PPM1L: variants seen among roughly 807,000 people sequenced by gnomAD.
The protein encoded by PPM1L is protein phosphatase, Mg2+/Mn2+ dependent 1L.
PPM1L carries 13 observed loss-of-function variants against 31.4 expected under a neutral mutation model. The observed-to-expected ratio is 0.41, with a 90% CI of 0.27 to 0.66. PPM1L has a LOEUF of 0.66. PPM1L is among the 30% of genes least tolerant of loss of function. The pLI is 0.29. For synonymous variants in PPM1L, 184 were observed against 175.4 expected, an observed-to-expected ratio of 1.05 and a Z score of -0.39; for missense variants, 326 against 453.7, an observed-to-expected ratio of 0.72 and a Z score of 2.56.
chr3:160,970,790 T>TTTTTC (rs1716308370), intron 2 of PPM1L, among the ~76,000 whole-genome samples: 1 of 73,322 alleles, frequency 1.4e-5, no homozygotes, highest in Non-Finnish European at 3.0e-5. Flanking sequence ...AGTTATAATT[T>TTTTTC]TTTTTTTTTT....
intron 1 of PPM1L, among the ~76,000 whole-genome samples, chr3:160,774,451 A>C (rs113474730): frequency 0.017 from 2,550 of 152,270 alleles, 70 homozygotes; most frequent in African/African-American, 0.058. Context: ...TCTGATGGAT[A>C]AATCTTCTAT....
chr3:160,794,268 C>T (rs1712181408), intron 1 of PPM1L, among the ~76,000 whole-genome samples: 1 of 152,040 alleles, frequency 6.6e-6, no homozygotes, highest in African/African-American at 2.4e-5. Flanking sequence ...AATTACTTGT[C>T]GACCTACTTA....
intron 1 of PPM1L, among the ~76,000 whole-genome samples, chr3:160,827,445 G>A (rs1713387082): frequency 7.3e-6 from 1 of 136,938 alleles, no homozygotes; most frequent in South Asian, 2.4e-4. Flanking sequence ...TTTGATATAA[G>A]TTTGTGTGTG....
At chr3:160,764,686 A>G (rs953136241) in intron 1 of PPM1L, among the ~76,000 whole-genome samples, 1 of 152,010 alleles carries the variant, frequency 6.6e-6, no homozygotes, top group Non-Finnish European at 1.5e-5. Flanking sequence ...CAGGCTGGTC[A>G]TGAACTCCTG....
intron 1 of PPM1L, among the ~76,000 whole-genome samples, chr3:160,840,797 GAGAGAA>G (rs1230347431): frequency 2.3e-3 from 355 of 151,768 alleles, no homozygotes; most frequent in African/African-American, 8.4e-3. Context: ...AGGAGAGAGA[GAGAGAA>G]AGAGAGAGAA....
chr3:160,971,647 C>T (rs912464703), intron 2 of PPM1L, among the ~76,000 whole-genome samples: 5 of 152,166 alleles, frequency 3.3e-5, no homozygotes, highest in Admixed American at 1.3e-4. Context: ...CTGCCAGTTG[C>T]GTTTTTAAAG....
chr3:160,915,045 A>T (rs1479727284), intron 1 of PPM1L, among the ~76,000 whole-genome samples: 2 of 152,088 alleles, frequency 1.3e-5, no homozygotes, highest in Admixed American at 6.6e-5. Flanking sequence ...GGCCAGTTGG[A>T]AGTTCTGGCC....
At chr3:160,995,544 C>T (rs1168938069) in intron 2 of PPM1L, among the ~76,000 whole-genome samples, 1 of 152,200 alleles carries the variant, frequency 6.6e-6, no homozygotes, top group Non-Finnish European at 1.5e-5. Context: ...TGGTCTCGAA[C>T]TCCTGTCCCC....
At chr3:160,990,710 G>T (rs533407514) in intron 2 of PPM1L, among the ~76,000 whole-genome samples, 94 of 152,246 alleles carry the variant, frequency 6.2e-4, no homozygotes, top group African/African-American at 2.1e-3. Flanking sequence ...AAAATTCATT[G>T]TATACTAAAG....
At chr3:160,892,702 G>C (rs1713199534) in intron 1 of PPM1L, among the ~76,000 whole-genome samples, 1 of 151,840 alleles carries the variant, frequency 6.6e-6, no homozygotes, top group Non-Finnish European at 1.5e-5. Flanking sequence ...ATTTGGCTCA[G>C]AATTATCAAG....
At chr3:160,759,105 G>T (rs904038730) in intron 1 of PPM1L, among the ~76,000 whole-genome samples, 2 of 152,088 alleles carry the variant, frequency 1.3e-5, no homozygotes, top group Non-Finnish European at 2.9e-5. Context: ...TAATTCTTGT[G>T]TGTTGTTTAG....
chr3:160,948,128 G>C (rs1715467570), intron 1 of PPM1L, among the ~76,000 whole-genome samples: 1 of 152,136 alleles, frequency 6.6e-6, no homozygotes, highest in African/African-American at 2.4e-5. Flanking sequence ...TCTAGCTTAT[G>C]ACTGTGACTG....
At chr3:160,922,029 G>A (rs1158175496) in intron 1 of PPM1L, among the ~76,000 whole-genome samples, 2 of 152,048 alleles carry the variant, frequency 1.3e-5, no homozygotes, top group Non-Finnish European at 2.9e-5. Context: ...TCCTGCTGAC[G>A]GCTGGGCACG....
rs144776445 is a variant in PPM1L at position 160,987,277 on chromosome 3, GC to G, written c.574+25369del. Among the ~76,000 whole-genome samples the G allele has an allele frequency of 2.3e-3, 346 of 152,240 alleles. 1 individual carries two copies. Among genetic ancestry groups the G allele is most frequent in the African/African-American group, 7.8e-3 (326 of 41,544 alleles). On this transcript the variant is annotated intron_variant, in intron 2 of 3. Transcript: ENST00000498165. Reference sequence around the variant, plus strand: ...GTATCATAAAGTTAAGAAGCCCAAGGCCATTTGTGGACCACTGAGCATATGA... The same window carrying G: ...GTATCATAAAGTTAAGAAGCCCAAGGCATTTGTGGACCACTGAGCATATGA...
At chr3:160,821,402 A>G (rs925708867) in intron 1 of PPM1L, among the ~76,000 whole-genome samples, 18 of 152,170 alleles carry the variant, frequency 1.2e-4, no homozygotes, top group African/African-American at 4.1e-4. Flanking sequence ...TATGCTGCCT[A>G]ACCCTAGTCA....
rs563480571 is a variant in PPM1L, at chr3:160,959,811, C to T, written c.400-1925C>T. 2.0e-5 allele frequency among the ~76,000 whole-genome samples: 3 copies of T among 152,092 alleles called. No individual in the cohort carries two copies. The South Asian group carries it at 6.2e-4, about 32-fold the overall frequency. On this transcript the variant is annotated intron_variant, in intron 1 of 3. Coordinates refer to ENST00000498165, the MANE Select transcript of PPM1L (RefSeq NM_139245.4). ...TCATGCCATTGCACTCCAGCCTGGG[C>T]AACAAGAGTGAAACTCAGTCTCAAA...
rs532616013 is a variant in PPM1L at position 160,973,100 on chromosome 3, A to T, written c.574+11190A>T. 7.9e-5 allele frequency among the ~76,000 whole-genome samples: 12 copies of T among 152,354 alleles called. No individual in the cohort carries two copies. The East Asian group carries it at 1.2e-3, about 15-fold the overall frequency. On this transcript the variant is annotated intron_variant, in intron 2 of 3. Coordinates refer to ENST00000498165, the MANE Select transcript of PPM1L (RefSeq NM_139245.4). ...TCATATCCACTCTGAAAATACATTG[A>T]TCTAAATTTTATGGTGGGCAAAATT... is the stretch of plus-strand genomic sequence containing the variant.
At chr3:160,872,340 T>A (rs1712337474) in intron 1 of PPM1L, among the ~76,000 whole-genome samples, 1 of 152,228 alleles carries the variant, frequency 6.6e-6, no homozygotes, top group Non-Finnish European at 1.5e-5. Context: ...TTTCTTCTTT[T>A]TGCTACTTTT....
chr3:160,986,644 T>C (rs1314205627), intron 2 of PPM1L, among the ~76,000 whole-genome samples: 2 of 152,312 alleles, frequency 1.3e-5, no homozygotes, highest in South Asian at 4.1e-4. Context: ...TACTTCTTCA[T>C]AGAACAGTGA....
Sources: allele counts gnomAD v4.1 joint callset (sites outside exome capture counted in the v4.1 genomes callset), GRCh38; gene constraint gnomAD v4.1.1; transcripts MANE v1.5; gene names NCBI Gene and HGNC (gene_info 2026-07-23, HGNC 2026-07-21).